The following PCDH9 variants were observed in gnomAD, a reference collection of about 807,000 sequenced individuals.
PCDH9 encodes the protein protocadherin-9.
Under a neutral mutation model 70.6 loss-of-function variants are expected in PCDH9, and 24 were observed. The ratio of observed to expected loss-of-function variants is 0.34; its 90% CI spans 0.25 to 0.48. The LOEUF is 0.48. Ranked by LOEUF, PCDH9 falls within the 20% of genes least tolerant of loss-of-function variation. The probability of loss-of-function intolerance (pLI) is 0.99; values close to 1 mark genes in which losing one functional copy is unlikely to be tolerated. For missense variants in PCDH9, 1,281 were observed against 1,503.6 expected, an observed-to-expected ratio of 0.85 and a Z score of 2.45; for synonymous variants, 562 against 558.5, an observed-to-expected ratio of 1.01 and a Z score of -0.09.
intron 3 of PCDH9, among the ~76,000 whole-genome samples, chr13:66,760,859 G>T (rs1281959365): frequency 1.3e-5 from 2 of 152,142 alleles, no homozygotes; most frequent in African/African-American, 2.4e-5. Context: ...TTATGCAGTT[G>T]TAGATAAGGG....
intron 4 of PCDH9, among the ~76,000 whole-genome samples, chr13:66,363,679 T>G (rs1956507565): frequency 6.6e-6 from 1 of 152,158 alleles, no homozygotes; most frequent in South Asian, 2.1e-4. Flanking sequence ...ATGGCAGAGA[T>G]AAACTTTTAC....
intron 2 of PCDH9, among the ~76,000 whole-genome samples, chr13:67,052,987 T>A (rs1312721208): frequency 6.6e-6 from 1 of 151,626 alleles, no homozygotes; most frequent in African/African-American, 2.4e-5. Context: ...TGGAAGTGAG[T>A]TAATGGTCTA....
chr13:66,999,298 T>C (rs1242854129), intron 2 of PCDH9, among the ~76,000 whole-genome samples: 1 of 152,074 alleles, frequency 6.6e-6, no homozygotes, highest in Non-Finnish European at 1.5e-5. Flanking sequence ...GTAGAAATAT[T>C]GATAATAGAT....
intron 2 of PCDH9, among the ~76,000 whole-genome samples, chr13:67,136,438 C>T (rs1203867803): frequency 1.3e-5 from 2 of 152,178 alleles, no homozygotes; most frequent in Non-Finnish European, 2.9e-5. Context: ...GCCTGTTTCT[C>T]TTCATGTGTG....
chr13:66,555,053 C>T (rs962131894), intron 4 of PCDH9, among the ~76,000 whole-genome samples: 1 of 152,078 alleles, frequency 6.6e-6, no homozygotes, highest in Non-Finnish European at 1.5e-5. Flanking sequence ...CCTGTAATCC[C>T]AGCTACTTGG....
intron 4 of PCDH9, among the ~76,000 whole-genome samples, chr13:66,363,784 G>A (rs1324479697): frequency 6.6e-6 from 1 of 152,134 alleles, no homozygotes; most frequent in African/African-American, 2.4e-5. Context: ...TTTTCCCCAT[G>A]TTGTGTGTAG....
intron 4 of PCDH9, among the ~76,000 whole-genome samples, chr13:66,568,990 A>G (rs1487711616): frequency 1.0e-5 from 1 of 98,504 alleles, no homozygotes; most frequent in African/African-American, 4.3e-5. Context: ...TCTTGGAAAC[A>G]TGTCTTTTTT....
chr13:66,789,271 C>T (rs2080126693), intron 3 of PCDH9, among the ~76,000 whole-genome samples: 1 of 152,152 alleles, frequency 6.6e-6, no homozygotes, highest in African/African-American at 2.4e-5. Flanking sequence ...ACTTCATAGC[C>T]TAGGCTCTTA....
intron 2 of PCDH9, among the ~76,000 whole-genome samples, chr13:67,037,771 G>A (rs900788266): frequency 1.3e-5 from 2 of 152,066 alleles, no homozygotes; most frequent in African/African-American, 2.4e-5. Flanking sequence ...ATGGAAACTC[G>A]GGTGATGGTT....
At chr13:67,137,143 T>C (rs1251228442) in intron 2 of PCDH9, among the ~76,000 whole-genome samples, 1 of 151,994 alleles carries the variant, frequency 6.6e-6, no homozygotes, top group Non-Finnish European at 1.5e-5. Flanking sequence ...AAGAAAATTA[T>C]CTATATTTAT....
At chr13:66,763,102 A>T in intron 3 of PCDH9, among the ~76,000 whole-genome samples, 1 of 151,902 alleles carries the variant, frequency 6.6e-6, no homozygotes, top group Admixed American at 6.6e-5. Context: ...AGTAGCTGGA[A>T]CTATGGGTTC....
At chr13:66,824,692 A>ATG (rs1555272683) in intron 3 of PCDH9, among the ~76,000 whole-genome samples, 39 of 131,060 alleles carry the variant, frequency 3.0e-4, no homozygotes, top group African/African-American at 1.2e-3. Context: ...ATATATATAT[A>ATG]TATATGCACA....
intron 2 of PCDH9, among the ~76,000 whole-genome samples, chr13:67,036,596 A>T (rs746250011): frequency 9.2e-5 from 14 of 152,206 alleles, no homozygotes; most frequent in Non-Finnish European, 1.8e-4. Context: ...GTTTTTTGAC[A>T]TGTTGTTATA....
chr13:67,125,183 G>A (rs2086952451), intron 2 of PCDH9, among the ~76,000 whole-genome samples: 1 of 152,190 alleles, frequency 6.6e-6, no homozygotes, highest in Non-Finnish European at 1.5e-5. Context: ...CTGACACAGA[G>A]AAGACACTCA....
intron 4 of PCDH9, among the ~76,000 whole-genome samples, chr13:66,597,755 T>G (rs2077121028): frequency 6.6e-6 from 1 of 151,712 alleles, no homozygotes; most frequent in Admixed American, 6.6e-5. Flanking sequence ...AAAAGGCATC[T>G]GTTGCAGCAA....
intron 4 of PCDH9, among the ~76,000 whole-genome samples, chr13:66,488,175 G>A (rs1774324345): frequency 6.6e-6 from 1 of 152,140 alleles, no homozygotes. Context: ...AACCATGCCT[G>A]AGCTAGAAAG....
intron 4 of PCDH9, among the ~76,000 whole-genome samples, chr13:66,478,407 A>T (rs1029907448): frequency 4.6e-5 from 7 of 152,238 alleles, no homozygotes; most frequent in African/African-American, 1.7e-4. Flanking sequence ...ATCAAAAGCT[A>T]GAAATGACTG....
chr13:67,101,747 T>C (rs1477759319), intron 2 of PCDH9, among the ~76,000 whole-genome samples: 2 of 5,486 alleles, frequency 3.6e-4, no homozygotes, highest in Non-Finnish European at 8.1e-4. Context: ...TTTGTTTTAA[T>C]ATCTTCAATT....
chr13:66,700,917 CATATAAATATATATAT>C lies in PCDH9; in HGVS notation c.3139-69522_3139-69507del, dbSNP rs1488404232. 7.8e-3 allele frequency among the ~76,000 whole-genome samples: 404 copies of C among 51,760 alleles called. 5 individuals carry two copies. The highest frequency in any genetic ancestry group is 0.023 in the African/African-American group (372 of 16,086). 34.0% of individuals were successfully genotyped at this position (51,760 alleles called of 152,430 possible). On this transcript the variant is annotated intron_variant, in intron 3 of 4. Transcript: ENST00000377865. ...ATATATATGAAAATATATGTGTGTA[CATATAAATATATATAT>C]ATATATATATATATATATATATATA...
Sources: gnomAD v4.1 joint callset for allele counts (sites outside exome capture counted in the v4.1 genomes callset) on GRCh38, gnomAD v4.1.1 for gene constraint, MANE v1.5 for transcripts, NCBI Gene and HGNC (gene_info 2026-07-23, HGNC 2026-07-21) for gene names.